NRAP: variants seen among roughly 807,000 people sequenced by gnomAD.
NRAP encodes nebulin-related-anchoring protein.
A neutral mutation model predicts 225.9 loss-of-function variants in NRAP; 189 were observed. The observed-to-expected ratio is 0.84, with a 90% CI of 0.74 to 0.94. The LOEUF is 0.94. Ranked by LOEUF, NRAP falls within the 40% of genes least tolerant of loss-of-function variation. The probability of loss-of-function intolerance (pLI) is 0.00; values close to 1 mark genes in which losing one functional copy is unlikely to be tolerated. For missense variants in NRAP, 2,176 were observed against 2,168.7 expected (o/e 1.00, Z -0.07); for synonymous variants, 769 against 790.7 (o/e 0.97, Z 0.46).
rs150955833 is a variant in NRAP at position 113,617,465 on chromosome 10, T to G, written c.2963A>C (p.Gln988Pro). 2.9e-3 allele frequency: 4,591 copies of G among 1,586,524 alleles called. 14 individuals are homozygous for G. The highest frequency in any genetic ancestry group is 3.6e-3 in the Non-Finnish European group (4,164 of 1,154,846). Residue 988 changes from glutamine to proline, a missense_variant, in exon 26 of 42, where the codon CAA (glutamine) becomes CCA (proline). Physicochemically the swap from Gln to Pro is moderately conservative, Grantham distance 76 (BLOSUM62 -1). Around this residue, in one of 3 missense-constraint regions of NRAP, gnomAD observed 1,708 missense variants for 1,695.5 expected, o/e 1.01. Coordinates refer to ENST00000359988, the MANE Select transcript of NRAP (RefSeq NM_198060.4). Reference sequence around the variant, plus strand: ...TACATTATCACTTACATCCACTGCTTGGGTATAACTAATTCTGGCCTGGAC... The same window carrying G: ...TACATTATCACTTACATCCACTGCTGGGGTATAACTAATTCTGGCCTGGAC... ...EMVQARISYT[Q>P]AVDRLYREQG...
At chr10:113,624,800 T>G in intron 22 of NRAP, 26 bp downstream of exon 22, 2 of 1,551,806 alleles carry the variant, frequency 1.3e-6, no homozygotes, top group Non-Finnish European at 8.9e-7. Context: ...AGCAGAGTTC[T>G]TGCTGCCCAC....
At chr10:113,615,134 A>C (rs1847573289) in intron 27 of NRAP, among the ~76,000 whole-genome samples, 188 bp from the exon 28 acceptor site, 1 of 143,290 alleles carries the variant, frequency 7.0e-6, no homozygotes, top group Non-Finnish European at 1.5e-5. Context: ...ACCTCTTTGG[A>C]GGTAGGCAGG....
chr10:113,655,819 A>T (rs1287657870), intron 4 of NRAP, among the ~76,000 whole-genome samples: 1 of 152,230 alleles, frequency 6.6e-6, no homozygotes, highest in Non-Finnish European at 1.5e-5. Flanking sequence ...ATGCTGATGT[A>T]GAAATATTTC....
chr10:113,608,233 A>G (rs188780774), intron 32 of NRAP, among the ~76,000 whole-genome samples, 181 bp downstream of exon 32: 1 of 152,370 alleles, frequency 6.6e-6, no homozygotes, highest in East Asian at 1.9e-4. Context: ...ACAATCCCAG[A>G]TTCCCAACTG....
chr10:113,589,748 G>A lies in NRAP; in HGVS notation c.5006C>T (p.Pro1669Leu), dbSNP rs1451715243. Residue 1669 changes from proline to leucine, a missense_variant, in exon 41 of 42, where the codon CCT becomes CTT. Transcript: ENST00000359988. The part of the protein sequence containing the change: ...LNLTRGVGWT[P>L]PGSYKVEMAR... ...CATTTCCACTTTGTAGGAGCCAGGAGGGGTCCAGCCAACACCTCTGGTCAG... is the reference window on the plus strand; with the variant it reads ...CATTTCCACTTTGTAGGAGCCAGGAAGGGTCCAGCCAACACCTCTGGTCAG... 1.2e-6 allele frequency: 2 copies of A among 1,614,186 alleles called. No individual in the cohort carries two copies. The highest frequency in any genetic ancestry group is 2.2e-5 in the East Asian group (1 of 44,872).
chr10:113,597,772 C>T (rs999586720), intron 36 of NRAP, among the ~76,000 whole-genome samples, 197 bp downstream of exon 36: 13 of 152,224 alleles, frequency 8.5e-5, no homozygotes, highest in Admixed American at 7.9e-4. Flanking sequence ...ATCATGCCTT[C>T]AGTTCCTCAG....
chr10:113,610,546 G>T lies in NRAP; in HGVS notation c.3516C>A (p.Asp1172Glu). ...KLQSENLYRS[D>E]LNFMRGVACV... ...ATGCAACACCTCGCATAAAGTTCAG[G>T]TCTGACCGGTACAAATTCTAGAAGA... The change falls in exon 31 of 42, where the codon GAC (aspartate) becomes GAA (glutamate). Residue 1172 changes from aspartate to glutamate, a missense_variant. Asp to Glu is a conservative substitution (Grantham distance 45). This residue lies in a region of NRAP where 1,708 missense variants were observed against 1,695.5 expected (regional missense o/e 1.01). Transcript: ENST00000359988. 6.3e-7 allele frequency: 1 copy of T among 1,591,228 alleles called. No homozygotes were observed. The highest frequency in any genetic ancestry group is 8.6e-7 in the Non-Finnish European group (1 of 1,159,114).
chr10:113,591,369 A>T (rs1038943614), intron 39 of NRAP, among the ~76,000 whole-genome samples: 7 of 152,204 alleles, frequency 4.6e-5, no homozygotes, highest in African/African-American at 7.2e-5. Context: ...TACATTTCCA[A>T]TGCATCAAAG....
In NRAP at chr10:113,590,875, C is replaced by CTCTT; in HGVS notation, c.4655_4658dup (p.Ala1554ArgfsTer19). 1 of 1,613,662 alleles carries CTCTT rather than the reference C, an allele frequency of 6.2e-7. No homozygotes were observed. The highest frequency in any genetic ancestry group is 1.1e-5 in the South Asian group (1 of 91,068). ...GCAGGCCTCGGTCCCGCAGGAAAGC[C>CTCTT]TCTTTGTACCGGAACTGCAAGTCAG... On this transcript the variant is annotated frameshift_variant, in exon 40 of 42. Transcript: ENST00000359988. LOFTEE classifies it high-confidence loss of function.
At chr10:113,641,987 G>T (rs1209699001) in intron 12 of NRAP, among the ~76,000 whole-genome samples, 2 of 152,150 alleles carry the variant, frequency 1.3e-5, no homozygotes, top group Non-Finnish European at 2.9e-5. Flanking sequence ...TATGTTATGT[G>T]TCAAATGCCA....
Position 113,651,879 on chromosome 10 carries a change from C to A in NRAP, c.599G>T (p.Arg200Leu), listed in dbSNP as rs369577578. 1.3e-4 allele frequency: 202 copies of A among 1,612,716 alleles called. 4 individuals are homozygous for A. In the South Asian group the frequency reaches 1.9e-3, roughly 15 times the overall value. The change falls in exon 7 of 42, where the codon CGC (arginine) becomes CTC (leucine). Residue 200 changes from arginine to leucine, a missense_variant. By Grantham distance (102) the Arg-to-Leu change is moderately radical. This residue lies in a region of NRAP where 1,708 missense variants were observed against 1,695.5 expected (regional missense o/e 1.01). Coordinates refer to ENST00000359988, the MANE Select transcript of NRAP (RefSeq NM_198060.4). The stretch of plus-strand genomic sequence containing the variant: ...CACCACCGTGGAGAACCTGGAGATG[C>A]GTTCATCATGCCCTCTCTTATACTC... ...QVEYKRGHDE[R>L]ISRFSTVVDT...
chr10:113,617,357 C>T, intron 26 of NRAP, 98 bp downstream of exon 26: 1 of 785,262 alleles, frequency 1.3e-6, no homozygotes, highest in Non-Finnish European at 2.3e-6. Context: ...ATCCTTAGGA[C>T]AACAGAAGGA....
chr10:113,595,596 C>G (rs551625140), intron 38 of NRAP, 27 bp downstream of exon 38: 1 of 1,431,094 alleles, frequency 7.0e-7, no homozygotes, highest in Non-Finnish European at 9.9e-7. Context: ...AGTGGGCACA[C>G]GTTCCATGAA....
At chr10:113,633,845 T>G (rs998516441) in intron 15 of NRAP, among the ~76,000 whole-genome samples, 1 of 152,202 alleles carries the variant, frequency 6.6e-6, no homozygotes, top group Admixed American at 6.5e-5. Flanking sequence ...GACAGGCATA[T>G]AGATGAAGCA....
rs1487483270 is a variant in NRAP, at chr10:113,606,242, T to A, written c.3743A>T (p.Tyr1248Phe). Residue 1248 changes from tyrosine to phenylalanine, a missense_variant, in exon 33 of 42, where the codon TAT becomes TTT. Coordinates refer to ENST00000359988, the MANE Select transcript of NRAP (RefSeq NM_198060.4). ...KAAGEDARHE[Y>F]TMTLGLPEFI... ...CTCGGGCAGACCCAGGGTCATTGTA[T>A]ACTCGTGTCTTGCATCCTCTCCAGC... 2 of 1,614,062 alleles carry A rather than the reference T, an allele frequency of 1.2e-6. No individual in the cohort carries two copies. The highest frequency in any genetic ancestry group is 1.7e-5 in the Admixed American group (1 of 60,010).
chr10:113,606,916 C>T (rs1261160728), intron 32 of NRAP, among the ~76,000 whole-genome samples: 1 of 151,790 alleles, frequency 6.6e-6, no homozygotes. Context: ...AAATACAAAA[C>T]TTAGGGCCAG....
chr10:113,625,283 C>G (rs1315793466), intron 21 of NRAP, among the ~76,000 whole-genome samples: 2 of 152,206 alleles, frequency 1.3e-5, no homozygotes, highest in Non-Finnish European at 2.9e-5. Context: ...CAGATTAGTA[C>G]AGACTCCCCA....
At chr10:113,653,159 C>G in intron 5 of NRAP, 120 bp from the exon 6 acceptor site, 1 of 602,286 alleles carries the variant, frequency 1.7e-6, no homozygotes, top group Non-Finnish European at 2.9e-6. Flanking sequence ...TTTCAATCAC[C>G]TGTAATAAAT....
chr10:113,648,467 CTATATATATA>C (rs1554867329), intron 9 of NRAP, among the ~76,000 whole-genome samples: 9 of 87,388 alleles, frequency 1.0e-4, no homozygotes, highest in African/African-American at 3.6e-4. Flanking sequence ...CTCTCTCTCT[CTATATATATA>C]TATATATATA....
Sources: gnomAD v4.1 joint callset for allele counts (sites outside exome capture counted in the v4.1 genomes callset) on GRCh38, gnomAD v4.1.1 for gene constraint, gnomAD v4.1.1 regional missense constraint, MANE v1.5 for transcripts, NCBI Gene and HGNC (gene_info 2026-07-23, HGNC 2026-07-21) for gene names.